The following METTL16 variants were observed in gnomAD, a reference collection of about 807,000 sequenced individuals.
The protein encoded by METTL16 is methyltransferase 16, RNA N6-adenosine.
Under a neutral mutation model 57.9 loss-of-function variants are expected in METTL16, and 19 were observed. That is an observed-to-expected ratio of 0.33 (90% CI 0.23 to 0.48). The LOEUF (loss-of-function observed/expected upper bound fraction) is 0.48. Among genes scored for constraint, METTL16 ranks in the 20% least tolerant of loss-of-function variants. METTL16 has a pLI of 0.99. For synonymous variants in METTL16, 246 were observed against 255.6 expected (o/e 0.96, Z 0.36); for missense variants, 434 against 691.5 (o/e 0.63, Z 4.18).
intron 2 of METTL16, among the ~76,000 whole-genome samples, chr17:2,489,441 C>T (rs943808742): frequency 7.2e-5 from 11 of 152,064 alleles, no homozygotes; most frequent in Non-Finnish European, 1.3e-4. Context: ...GGTCACCTGA[C>T]GTCAGGAGTT....
chr17:2,481,992 C>CACAAA, intron 2 of METTL16, among the ~76,000 whole-genome samples: 1 of 152,104 alleles, frequency 6.6e-6, no homozygotes, highest in East Asian at 1.9e-4. Context: ...GACAAAAGAA[C>CACAAA]AGTGACTACA....
chr17:2,464,198 A>T lies in METTL16; in HGVS notation c.728+10T>A, dbSNP rs901294965. ...TAAAGATGGACTCTATGTTGTAAAA[A>T]CAGACTTACCTTAATCTTTTTTTAA... On this transcript the variant is annotated intron_variant, in intron 6 of 9. Coordinates refer to ENST00000263092, the MANE Select transcript of METTL16 (RefSeq NM_024086.4). 2 of 1,607,046 alleles carry T rather than the reference A, an allele frequency of 1.2e-6. No homozygotes were observed. The highest frequency in any genetic ancestry group is 2.7e-5 in the African/African-American group (2 of 74,494).
intron 1 of METTL16, among the ~76,000 whole-genome samples, chr17:2,508,439 C>T (rs185705361): frequency 6.6e-6 from 1 of 152,244 alleles, no homozygotes; most frequent in African/African-American, 2.4e-5. Flanking sequence ...TTCTCATCTT[C>T]CCTATCTCAC....
Position 2,420,742 on chromosome 17 carries a change from T to C in METTL16, c.1051A>G (p.Thr351Ala). Reference protein sequence around the residue: ...VVTTWIEKILTDLKVQHKRVP... With the variant: ...VVTTWIEKILADLKVQHKRVP... ...GGTTAAGCAGGTACCTTCAAATCAG[T>C]GAGAATTTTTTCAATCCATGTCGTG... The change falls in exon 9 of 10, where the codon ACT becomes GCT. Residue 351 changes from threonine (T) to alanine (A), a missense_variant. This residue lies in a region of METTL16 where 26 missense variants were observed against 63.0 expected (regional missense o/e 0.41). Transcript: ENST00000263092. This position sits in a 1 kb window ranked among gnomAD's most constrained non-coding sequence, Gnocchi z 5.4. The C allele has an allele frequency of 1.9e-6, 3 of 1,613,054 alleles. No homozygotes were observed. Among genetic ancestry groups the C allele is most frequent in the Non-Finnish European group, 2.5e-6 (3 of 1,179,664 alleles).
At chr17:2,457,891 A>G (rs2151560226) in intron 6 of METTL16, among the ~76,000 whole-genome samples, 1 of 152,106 alleles carries the variant, frequency 6.6e-6, no homozygotes, top group Non-Finnish European at 1.5e-5. Context: ...GATTATTACC[A>G]ATTTTTGAGA....
chr17:2,467,094 C>T (rs1348833720), intron 5 of METTL16, among the ~76,000 whole-genome samples: 4 of 152,220 alleles, frequency 2.6e-5, no homozygotes, highest in East Asian at 1.9e-4. Flanking sequence ...TGTGAGTCAC[C>T]GTGCAAGCTT....
chr17:2,456,746 G>T (rs955269897), intron 6 of METTL16, among the ~76,000 whole-genome samples: 1 of 152,074 alleles, frequency 6.6e-6, no homozygotes, highest in African/African-American at 2.4e-5. Context: ...TGAGATTACA[G>T]GCATGAGTTA....
chr17:2,454,407 G>A (rs182204347), intron 6 of METTL16, among the ~76,000 whole-genome samples: 2 of 151,860 alleles, frequency 1.3e-5, no homozygotes, highest in South Asian at 2.1e-4. Flanking sequence ...GATATTCAAC[G>A]GAGCAGCCCC....
Position 2,420,698 on chromosome 17 carries a change from A to G in METTL16, c.1062+33T>C, listed in dbSNP as rs745629413. On this transcript the variant is annotated intron_variant, in intron 9 of 9. Transcript: ENST00000263092. The surrounding 1 kb of genome is among the most constrained non-coding windows in gnomAD (Gnocchi z 5.4). ...AAAAAGAAAAAAGAGAAGGATCATT[A>G]TGAGTACTTCGTCAATATGGTTAAG... 1.3e-6 allele frequency: 2 copies of G among 1,577,102 alleles called. No homozygotes were observed. Among genetic ancestry groups the G allele is most frequent in the East Asian group, 2.2e-5 (1 of 44,616 alleles).
chr17:2,452,150 A>AG (rs1449951569), intron 6 of METTL16, among the ~76,000 whole-genome samples: 1 of 151,876 alleles, frequency 6.6e-6, no homozygotes, highest in African/African-American at 2.4e-5. Flanking sequence ...AAAAAAAAAA[A>AG]AAAAAAGATA....
intron 2 of METTL16, among the ~76,000 whole-genome samples, chr17:2,495,266 G>A (rs2067434591): frequency 2.0e-5 from 3 of 151,994 alleles, no homozygotes; most frequent in Admixed American, 1.3e-4. Context: ...GGGAGGTTGA[G>A]GCTACTGTGA....
chr17:2,491,477 T>A (rs1195268666), intron 2 of METTL16, among the ~76,000 whole-genome samples: 1 of 152,186 alleles, frequency 6.6e-6, no homozygotes, highest in African/African-American at 2.4e-5. Context: ...CTCCCAGTGT[T>A]ACTCCAAGGT....
At chr17:2,489,121 T>TA (rs397830126) in intron 2 of METTL16, among the ~76,000 whole-genome samples, 2 of 151,260 alleles carry the variant, frequency 1.3e-5, no homozygotes, top group Non-Finnish European at 2.9e-5. Context: ...CTTTTTTTTT[T>TA]ATTTTTTTTT....
chr17:2,501,372 C>T (rs1031161279), intron 2 of METTL16, among the ~76,000 whole-genome samples: 1 of 152,158 alleles, frequency 6.6e-6, no homozygotes, highest in African/African-American at 2.4e-5. Context: ...AATGCTATCA[C>T]AAGCTATGAC....
chr17:2,487,573 C>T (rs2067352991), intron 2 of METTL16, among the ~76,000 whole-genome samples: 1 of 152,164 alleles, frequency 6.6e-6, no homozygotes, highest in Non-Finnish European at 1.5e-5. Flanking sequence ...GAAGGATAAA[C>T]CAACCAGCAG....
rs531215260 is a variant in METTL16, at chr17:2,444,503, T to C, written c.729-2944A>G. Among the ~76,000 whole-genome samples, 6 of 152,258 alleles carry C rather than the reference T, an allele frequency of 3.9e-5. No individual in the cohort carries two copies. The East Asian group carries it at 5.8e-4, about 15-fold the overall frequency. ...ATAAAATGAAGTTGAAAAATTCCTA[T>C]TGCCTAGTGATGTCGTAGCTGTTGC... is the stretch of plus-strand genomic sequence containing the variant. On this transcript the variant is annotated intron_variant, in intron 6 of 9. Coordinates refer to ENST00000263092, the MANE Select transcript of METTL16 (RefSeq NM_024086.4).
intron 6 of METTL16, among the ~76,000 whole-genome samples, chr17:2,447,851 T>G (rs1186179023): frequency 1.4e-4 from 7 of 48,312 alleles, no homozygotes; most frequent in South Asian, 7.9e-4. Context: ...GGGAGGGAGG[T>G]GGGGGGTCAG....
intron 7 of METTL16, among the ~76,000 whole-genome samples, chr17:2,440,041 T>C (rs2151549576): frequency 6.6e-6 from 1 of 152,124 alleles, no homozygotes; most frequent in Non-Finnish European, 1.5e-5. Context: ...AAGGATTACT[T>C]GAGTACAGGA....
chr17:2,430,944 A>G (rs1437737681), intron 8 of METTL16, among the ~76,000 whole-genome samples: 2 of 151,538 alleles, frequency 1.3e-5, no homozygotes, highest in African/African-American at 4.9e-5. Flanking sequence ...ATTAAATAAT[A>G]ATAATTATTA....
Sources: allele counts gnomAD v4.1 joint callset (sites outside exome capture counted in the v4.1 genomes callset), GRCh38; gene constraint gnomAD v4.1.1; regional missense constraint gnomAD v4.1.1; non-coding constraint Gnocchi (gnomAD v3.1); transcripts MANE v1.5; gene names NCBI Gene and HGNC (gene_info 2026-07-23, HGNC 2026-07-21).